HOMER1: variants seen among roughly 807,000 people sequenced by gnomAD.
HOMER1 encodes homer scaffold protein 1, also known as homer protein homolog 1.
HOMER1 carries 3 observed loss-of-function variants against 48.9 expected under a neutral mutation model. The ratio of observed to expected loss-of-function variants is 0.06; its 90% CI spans 0.03 to 0.16. HOMER1 has a LOEUF of 0.16. Ranked by LOEUF, HOMER1 falls within the 10% of genes least tolerant of loss-of-function variation. The pLI is 1.00. For missense variants in HOMER1, 247 were observed against 411.4 expected (o/e 0.60, Z 3.46); for synonymous variants, 134 against 146.4 (o/e 0.92, Z 0.61).
chr5:79,422,611 CAAAAAAAAA>C (rs149190639), intron 5 of HOMER1, among the ~76,000 whole-genome samples: 5 of 134,972 alleles, frequency 3.7e-5, no homozygotes, highest in Admixed American at 1.5e-4. Flanking sequence ...AGACAATTGT[CAAAAAAAAA>C]AGAAAAAAAC....
chr5:79,498,262 G>A (rs150102578), intron 1 of HOMER1, among the ~76,000 whole-genome samples: 10 of 152,228 alleles, frequency 6.6e-5, no homozygotes, highest in South Asian at 4.1e-4. Context: ...AGCCGGGTGC[G>A]GTGGCACATG....
At chr5:79,381,205 C>T (rs1004727579) in intron 8 of HOMER1, among the ~76,000 whole-genome samples, 3 of 152,212 alleles carry the variant, frequency 2.0e-5, no homozygotes, top group Non-Finnish European at 4.4e-5. Flanking sequence ...CCACGAACTG[C>T]ACCCTAAGCC....
rs545193317 is a variant in HOMER1 at position 79,374,534 on chromosome 5, G to A, written c.*1475C>T. ...AGCTTAATTTTGTACTTAACAATTC[G>A]ATCATTTTGGGGTACAAACAAGAAG... On this transcript the variant is annotated 3_prime_UTR_variant, in exon 9 of 9. Coordinates refer to ENST00000334082, the MANE Select transcript of HOMER1 (RefSeq NM_004272.5). 7 of 151,948 alleles carry A rather than the reference G, an allele frequency of 4.6e-5. No individual in the cohort carries two copies. The highest frequency in any genetic ancestry group is 1.4e-4 in the African/African-American group (6 of 41,478). The allele number at this position is 151,948 out of a possible 1,614,324, so 9.4% of individuals were successfully genotyped here.
chr5:79,463,578 T>C (rs572670890), intron 1 of HOMER1, among the ~76,000 whole-genome samples: 3 of 152,356 alleles, frequency 2.0e-5, no homozygotes, highest in South Asian at 2.1e-4. Flanking sequence ...ACAGTTGTCA[T>C]TTAAAAAACT....
chr5:79,414,234 C>T (rs1010248381), intron 5 of HOMER1, among the ~76,000 whole-genome samples: 1 of 149,346 alleles, frequency 6.7e-6, no homozygotes, highest in African/African-American at 2.5e-5. Flanking sequence ...AGGCATGCAA[C>T]CATACCTGGC....
intron 8 of HOMER1, among the ~76,000 whole-genome samples, chr5:79,382,278 G>C (rs1749002269): frequency 6.6e-6 from 1 of 152,096 alleles, no homozygotes; most frequent in African/African-American, 2.4e-5. Flanking sequence ...CCCAAATCTA[G>C]CAAGATTTTA....
At chr5:79,467,587 A>G (rs1242759112) in intron 1 of HOMER1, among the ~76,000 whole-genome samples, 1 of 152,216 alleles carries the variant, frequency 6.6e-6, no homozygotes. Flanking sequence ...GAAGAGAAAG[A>G]TTCAGAGATA....
intron 8 of HOMER1, among the ~76,000 whole-genome samples, chr5:79,378,649 C>T (rs1280051536): frequency 6.6e-6 from 1 of 152,096 alleles, no homozygotes; most frequent in East Asian, 1.9e-4. Flanking sequence ...AAACAATAAG[C>T]TTAAGGGTAC....
At chr5:79,379,079 C>CATATATATATATATATATATATATATAT (rs3082000) in intron 8 of HOMER1, among the ~76,000 whole-genome samples, 1 of 55,214 alleles carries the variant, frequency 1.8e-5, no homozygotes, top group South Asian at 7.1e-4. Context: ...ACCTTTTGTC[C>CATATATATATATATATATATATATATAT]ATATATATAT....
chr5:79,389,819 G>A (rs1445223870), intron 8 of HOMER1, among the ~76,000 whole-genome samples: 1 of 152,136 alleles, frequency 6.6e-6, no homozygotes, highest in Non-Finnish European at 1.5e-5. Context: ...TATATTTAAT[G>A]TATAAAGACT....
intron 5 of HOMER1, among the ~76,000 whole-genome samples, chr5:79,416,961 T>C (rs1214608898): frequency 6.6e-6 from 1 of 152,158 alleles, no homozygotes. Flanking sequence ...CATCAGTGAA[T>C]TTGGAAGGTT....
intron 5 of HOMER1, among the ~76,000 whole-genome samples, chr5:79,422,790 A>C (rs1461254536): frequency 6.6e-6 from 1 of 151,772 alleles, no homozygotes; most frequent in East Asian, 1.9e-4. Flanking sequence ...GTTTTATACT[A>C]ATATTGCTGA....
intron 5 of HOMER1, among the ~76,000 whole-genome samples, chr5:79,437,881 T>C (rs1268363571): frequency 2.0e-5 from 3 of 152,160 alleles, no homozygotes; most frequent in Non-Finnish European, 2.9e-5. Flanking sequence ...GATCTTGAAC[T>C]CCTGTCCTCA....
chr5:79,445,442 A>G (rs1269274069), intron 4 of HOMER1, among the ~76,000 whole-genome samples: 1 of 152,222 alleles, frequency 6.6e-6, no homozygotes, highest in Non-Finnish European at 1.5e-5. Context: ...TTATAAAAGT[A>G]CCAAAATGTA....
At chr5:79,450,910 A>C (rs56828952) in intron 3 of HOMER1, 80 bp downstream of exon 3, 43,186 of 1,334,470 alleles carry the variant, frequency 0.032, 2,615 homozygotes, top group East Asian at 0.3. Flanking sequence ...TATATTTTAT[A>C]CTCTCCATTT....
chr5:79,491,075 C>CAAAAAAAAAAAAAAA lies in HOMER1; in HGVS notation c.5+21680_5+21694dup, dbSNP rs10527802. The stretch of plus-strand genomic sequence containing the variant: ...TTTTTGGCCTTCAGTAGTACCAAAG[C>CAAAAAAAAAAAAAAA]AAAAAAAAAAAAAAAAAAAAAAAAA... On this transcript the variant is annotated intron_variant, in intron 1 of 8. Coordinates refer to ENST00000334082, the MANE Select transcript of HOMER1 (RefSeq NM_004272.5). Among the ~76,000 whole-genome samples the CAAAAAAAAAAAAAAA allele has an allele frequency of 1.3e-4, 5 of 37,250 alleles. 1 individual carries two copies. The highest frequency in any genetic ancestry group is 3.2e-4 in the Non-Finnish European group (4 of 12,690). The allele number at this position is 37,250 out of a possible 152,430, so 24.4% of individuals were successfully genotyped here. A position where few individuals can be genotyped will look rare whatever the true frequency, so the allele number is the denominator to read the frequency against.
intron 5 of HOMER1, among the ~76,000 whole-genome samples, chr5:79,416,356 A>C (rs1749943365): frequency 6.6e-6 from 1 of 152,192 alleles, no homozygotes; most frequent in African/African-American, 2.4e-5. Flanking sequence ...TGGTATGGTT[A>C]ATTTCTGATT....
At chr5:79,500,633 CTT>C (rs200420964) in intron 1 of HOMER1, among the ~76,000 whole-genome samples, 3 of 148,240 alleles carry the variant, frequency 2.0e-5, no homozygotes, top group Non-Finnish European at 4.5e-5. Flanking sequence ...TATATTTTAT[CTT>C]TTTTTTTTTC....
intron 5 of HOMER1, among the ~76,000 whole-genome samples, chr5:79,432,857 C>A (rs1750462398): frequency 6.6e-6 from 1 of 152,176 alleles, no homozygotes; most frequent in Non-Finnish European, 1.5e-5. Flanking sequence ...AAAATTCTGA[C>A]ATCTCTAAAT....
Sources: gnomAD v4.1 joint callset for allele counts (sites outside exome capture counted in the v4.1 genomes callset) on GRCh38, gnomAD v4.1.1 for gene constraint, MANE v1.5 for transcripts, NCBI Gene and HGNC (gene_info 2026-07-23, HGNC 2026-07-21) for gene names.